Variants in PAK1 observed in about 807,000 individuals in gnomAD.
PAK1 encodes the protein p21 (RAC1) activated kinase 1.
PAK1 carries 29 observed loss-of-function variants against 67.4 expected under a neutral mutation model. The ratio of observed to expected loss-of-function variants is 0.43; its 90% CI spans 0.32 to 0.59. The LOEUF is 0.59. Ranked by LOEUF, PAK1 falls within the 20% of genes least tolerant of loss-of-function variation. The pLI, the probability that PAK1 is intolerant of heterozygous loss-of-function variation, is 0.07. For synonymous variants in PAK1, 223 were observed against 237.4 expected (o/e 0.94, Z 0.56); for missense variants, 337 against 670.7 (o/e 0.50, Z 5.50).
At chr11:77,438,485 A>G (rs1956223240) in intron 1 of PAK1, among the ~76,000 whole-genome samples, 1 of 152,216 alleles carries the variant, frequency 6.6e-6, no homozygotes, top group African/African-American at 2.4e-5. Flanking sequence ...TAGGTGCTCT[A>G]TAAATGTTTG....
At chr11:77,498,118 A>C in the PAK1 span, among the ~76,000 whole-genome samples, 1 of 152,202 alleles carries the variant, frequency 6.6e-6, no homozygotes. Context: ...ACTAGTGGAA[A>C]AACAGGTGAA....
chr11:77,369,450 T>C lies in PAK1; in HGVS notation c.477+4878A>G, dbSNP rs1425149486. ...GTTTAAACCTTATACATTTCTTTTT[T>C]TTTTTTTTTTTTTTTGAGATGGAGT... On this transcript the variant is annotated intron_variant, in intron 5 of 14. Coordinates refer to ENST00000356341, the MANE Select transcript of PAK1 (RefSeq NM_002576.5). 3.7e-3 allele frequency among the ~76,000 whole-genome samples: 515 copies of C among 139,904 alleles called. 4 individuals are homozygous for C. Among genetic ancestry groups the C allele is most frequent in the African/African-American group, 0.013 (477 of 37,992 alleles). 91.8% of individuals were successfully genotyped at this position (139,904 alleles called of 152,430 possible).
intron 14 of PAK1, among the ~76,000 whole-genome samples, chr11:77,328,523 T>C (rs1940620875): frequency 6.6e-6 from 1 of 152,096 alleles, no homozygotes; most frequent in Non-Finnish European, 1.5e-5. Flanking sequence ...AACAACCTGC[T>C]CCCGAATGAC....
intron 1 of PAK1, among the ~76,000 whole-genome samples, chr11:77,431,645 T>C (rs1388560461): frequency 6.6e-6 from 1 of 152,170 alleles, no homozygotes; most frequent in Non-Finnish European, 1.5e-5. Context: ...TCCCCCACTC[T>C]GAACCAGAAC....
chr11:77,367,455 G>C (rs1367734765), intron 5 of PAK1, among the ~76,000 whole-genome samples: 1 of 151,994 alleles, frequency 6.6e-6, no homozygotes, highest in African/African-American at 2.4e-5. Flanking sequence ...TCCAAAGAAA[G>C]CCTATCATTA....
intron 1 of PAK1, among the ~76,000 whole-genome samples, chr11:77,454,169 C>T (rs1375649234): frequency 6.6e-6 from 1 of 152,196 alleles, no homozygotes; most frequent in Non-Finnish European, 1.5e-5. Flanking sequence ...ACGTACTAGG[C>T]ACTTCCACAT....
At chr11:77,472,252 G>T (rs557059703) in intron 1 of PAK1, among the ~76,000 whole-genome samples, 2 of 152,320 alleles carry the variant, frequency 1.3e-5, no homozygotes, top group African/African-American at 4.8e-5. Flanking sequence ...GAAAGTATGG[G>T]AAGTTTTCAG....
chr11:77,472,143 A>C (rs1032812070), intron 1 of PAK1, among the ~76,000 whole-genome samples: 1 of 152,220 alleles, frequency 6.6e-6, no homozygotes, highest in Non-Finnish European at 1.5e-5. Flanking sequence ...TAGCTCTCCG[A>C]ACTCCAGTAA....
At chr11:77,398,830 C>A (rs575558587) in intron 1 of PAK1, among the ~76,000 whole-genome samples, 2 of 152,286 alleles carry the variant, frequency 1.3e-5, no homozygotes, top group East Asian at 3.9e-4. Context: ...GTAATTCTAG[C>A]CCCTTTGTGT....
At chr11:77,432,413 G>A (rs1439101824) in intron 1 of PAK1, among the ~76,000 whole-genome samples, 1 of 151,866 alleles carries the variant, frequency 6.6e-6, no homozygotes, top group African/African-American at 2.4e-5. Flanking sequence ...ATTTAACATT[G>A]CACTGAAGGT....
intron 14 of PAK1, among the ~76,000 whole-genome samples, chr11:77,326,264 C>T (rs1244828269): frequency 6.6e-6 from 1 of 152,180 alleles, no homozygotes; most frequent in Non-Finnish European, 1.5e-5. Flanking sequence ...GCCTAGTAAA[C>T]CCCTGACTCC....
chr11:77,500,558 C>T, the PAK1 span, among the ~76,000 whole-genome samples: 1 of 151,918 alleles, frequency 6.6e-6, no homozygotes, highest in Non-Finnish European at 1.5e-5. Context: ...TCAAGATTTC[C>T]GTTCTGGCTG....
At chr11:77,331,941 C>A (rs769911675) in intron 14 of PAK1, among the ~76,000 whole-genome samples, 1 of 152,018 alleles carries the variant, frequency 6.6e-6, no homozygotes, top group Non-Finnish European at 1.5e-5. Context: ...GTCAGAGACC[C>A]GTTTCTCAAC....
chr11:77,428,661 G>A (rs914212640), intron 1 of PAK1, among the ~76,000 whole-genome samples: 1 of 151,982 alleles, frequency 6.6e-6, no homozygotes, highest in East Asian at 1.9e-4. Context: ...TCAGGAGGGG[G>A]AGGAAGAGAC....
At chr11:77,346,194 G>A (rs556822467) in intron 9 of PAK1, among the ~76,000 whole-genome samples, 11 of 152,128 alleles carry the variant, frequency 7.2e-5, no homozygotes, top group Non-Finnish European at 1.2e-4. Context: ...GGCTGGTCTC[G>A]AACTCCTGAT....
At chr11:77,525,371 C>A in the PAK1 span, among the ~76,000 whole-genome samples, 1 of 151,942 alleles carries the variant, frequency 6.6e-6, no homozygotes, top group African/African-American at 2.4e-5. Context: ...AAACTTATCT[C>A]TAAGTCCAAG....
chr11:77,429,314 A>G (rs78132622), intron 1 of PAK1, among the ~76,000 whole-genome samples: 9 of 152,330 alleles, frequency 5.9e-5, no homozygotes, highest in Non-Finnish European at 1.2e-4. Context: ...TACCCATTAA[A>G]TAAAATGAGT....
At chr11:77,528,807 T>G in the PAK1 span, among the ~76,000 whole-genome samples, 15 of 152,322 alleles carry the variant, frequency 9.8e-5, 1 homozygote, top group Admixed American at 7.8e-4. Flanking sequence ...TGCTTCTCGG[T>G]TTTTCATATT....
chr11:77,393,848 C>T (rs1228148291), intron 1 of PAK1, among the ~76,000 whole-genome samples: 4 of 151,978 alleles, frequency 2.6e-5, no homozygotes, highest in African/African-American at 9.7e-5. Flanking sequence ...ACTAAAAATA[C>T]AAAAATTAGC....
Sources: gnomAD v4.1 joint callset for allele counts (sites outside exome capture counted in the v4.1 genomes callset) on GRCh38, gnomAD v4.1.1 for gene constraint, MANE v1.5 for transcripts, NCBI Gene and HGNC (gene_info 2026-07-23, HGNC 2026-07-21) for gene names.